Variants in EPX observed in about 807,000 individuals in gnomAD.
EPX encodes eosinophil peroxidase.
Under a neutral mutation model 73.0 loss-of-function variants are expected in EPX, and 60 were observed. The ratio of observed to expected loss-of-function variants is 0.82; its 90% CI spans 0.67 to 1.02. The LOEUF (loss-of-function observed/expected upper bound fraction) is 1.02. Among genes scored for constraint, EPX ranks in the 50% least tolerant of loss-of-function variants. EPX has a pLI of 0.00. For synonymous variants in EPX, 347 were observed against 389.2 expected (o/e 0.89, Z 1.28); for missense variants, 950 against 973.9 (o/e 0.98, Z 0.33).
In EPX at chr17:58,193,841, G is replaced by T. The variant is rs779372568; in HGVS notation, c.464+10G>T. The T allele has an allele frequency of 3.7e-6, 6 of 1,606,318 alleles. No homozygotes were observed. The South Asian group carries it at 6.6e-5, about 18-fold the overall frequency. ...GACGGTGCAACAACAAGTGCGTGCG[G>T]GGCGGCAGGAGGGGCTGCCCCTGCC... On this transcript the variant is annotated intron_variant, in intron 4 of 12. Coordinates refer to ENST00000225371, the MANE Select transcript of EPX (RefSeq NM_000502.6).
chr17:58,195,355 G>A (rs1968241643), intron 6 of EPX, among the ~76,000 whole-genome samples, 185 bp downstream of exon 6: 1 of 152,192 alleles, frequency 6.6e-6, no homozygotes, highest in Admixed American at 6.5e-5. Flanking sequence ...TTTGAGAGGT[G>A]GGGGTAGGGC....
rs1357850412 is a variant in EPX, at chr17:58,193,134, G to A, written c.170+3G>A. 1.3e-6 allele frequency: 2 copies of A among 1,599,748 alleles called. No individual in the cohort carries two copies. Among genetic ancestry groups the A allele is most frequent in the South Asian group, 2.2e-5 (2 of 90,830 alleles). On this transcript the variant is annotated splice_donor_region_variant and intron_variant, in intron 2 of 12. Coordinates refer to ENST00000225371, the MANE Select transcript of EPX (RefSeq NM_000502.6). ...GCCTACAATTGGACCCAGAAGAGGT[G>A]GACTTGGGTCTGGGGGCTGCATGGG...
intron 7 of EPX, 91 bp downstream of exon 7, chr17:58,197,348 A>G (rs1968273606): frequency 4.0e-6 from 6 of 1,488,754 alleles, no homozygotes; most frequent in Non-Finnish European, 5.5e-6. Context: ...GTGAAGGTAC[A>G]TGGTTTGGGA....
At position 58,195,134 on chromosome 17, in the gene EPX, G is replaced by C. The variant is rs773648393; in HGVS notation, c.765G>C (p.Arg255Ser). Residue 255 changes from arginine to serine, a missense_variant, in exon 6 of 13, where the codon AGG becomes AGC. Arg to Ser is a moderately radical substitution (Grantham distance 110). Coordinates refer to ENST00000225371, the MANE Select transcript of EPX (RefSeq NM_000502.6). ...VAFTAGVDCE[R>S]TCAQLPPCFP... ...TCACTGCAGGCGTTGACTGTGAGAG[G>C]ACCTGCGCCCAGCTGCCCCCCTGCT... is the stretch of plus-strand genomic sequence containing the variant. The C allele has an allele frequency of 6.2e-7, 1 of 1,613,964 alleles. No individual in the cohort carries two copies.
At chr17:58,204,474 G>A (rs1196034528) in intron 12 of EPX, 40 bp downstream of exon 12, 2 of 1,298,072 alleles carry the variant, frequency 1.5e-6, no homozygotes, top group Non-Finnish European at 1.1e-6. Context: ...GCTGGGTTAA[G>A]CCCTCACATC....
At chr17:58,197,992 C>T (rs544984427) in intron 7 of EPX, among the ~76,000 whole-genome samples, 4 of 152,202 alleles carry the variant, frequency 2.6e-5, no homozygotes, top group East Asian at 3.9e-4. Flanking sequence ...CCTGCCACCA[C>T]GTTTGGCTAA....
At chr17:58,193,009 G>T (rs775092676) in intron 1 of EPX, 29 bp from the exon 2 acceptor site, 40 of 1,595,200 alleles carry the variant, frequency 2.5e-5, no homozygotes, top group South Asian at 1.9e-4. Context: ...GTGGCTTGCT[G>T]AACCCTGAGT....
At chr17:58,199,496 G>A (rs373864396) in intron 8 of EPX, 43 bp from the exon 9 acceptor site, 2 of 1,611,526 alleles carry the variant, frequency 1.2e-6, no homozygotes, top group East Asian at 2.2e-5. Context: ...AAGGGTATGG[G>A]TGAGTAGCCT....
chr17:58,193,436 C>T lies in EPX; in HGVS notation c.236C>T (p.Pro79Leu), dbSNP rs372515743. The change falls in exon 3 of 13, where the codon CCG becomes CTG. Residue 79 changes from proline (P) to leucine (L), a missense_variant. Pro to Leu is a moderately conservative substitution (Grantham distance 98, BLOSUM62 -3). Coordinates refer to ENST00000225371, the MANE Select transcript of EPX (RefSeq NM_000502.6). ...PMDLLSYFKQPVAATRTVVRA... is the reference protein window; with the variant it reads ...PMDLLSYFKQLVAATRTVVRA... ...GACCTCCTGTCCTACTTCAAACAAC[C>T]GGTAGCAGCCACCAGGACAGTTGTT... is the stretch of plus-strand genomic sequence containing the variant. 34 of 1,614,034 alleles carry T rather than the reference C, an allele frequency of 2.1e-5. No homozygotes were observed. The highest frequency in any genetic ancestry group is 1.8e-4 in the East Asian group (8 of 44,880).
intron 6 of EPX, among the ~76,000 whole-genome samples, chr17:58,195,576 GTCCTAAC>G (rs1371939312): frequency 2.0e-5 from 3 of 152,172 alleles, no homozygotes; most frequent in African/African-American, 7.2e-5. Context: ...TGTAAGTAGG[GTCCTAAC>G]CTTCAGGCTA....
intron 4 of EPX, 34 bp downstream of exon 4, chr17:58,193,865 C>A: frequency 6.3e-7 from 1 of 1,599,434 alleles, no homozygotes; most frequent in Non-Finnish European, 8.6e-7. Flanking sequence ...GCTGCCCCTG[C>A]CTGGGGGACC....
chr17:58,201,563 G>A (rs1968341461), intron 10 of EPX, among the ~76,000 whole-genome samples: 1 of 152,202 alleles, frequency 6.6e-6, no homozygotes, highest in African/African-American at 2.4e-5. Context: ...ATGGGCAGGA[G>A]GGGTCTGGGT....
Position 58,204,276 on chromosome 17 carries a change from C to A in EPX, c.2001C>A (p.Ser667Arg). 1 of 1,614,058 alleles carries A rather than the reference C, an allele frequency of 6.2e-7. No individual in the cohort carries two copies. The change falls in exon 12 of 13, where the codon AGC becomes AGA. Residue 667 changes from serine (S) to arginine (R), a missense_variant. Coordinates refer to ENST00000225371, the MANE Select transcript of EPX (RefSeq NM_000502.6). Reference sequence around the variant, plus strand: ...CCAAAAGACAGCGCAAGGCCCTGAGCAGAATTTCCTTGTCTCGAATTATAT... The same window carrying A: ...CCAAAAGACAGCGCAAGGCCCTGAGAAGAATTTCCTTGTCTCGAATTATAT... ...VFTKRQRKAL[S>R]RISLSRIICD...
chr17:58,203,461 C>T, intron 11 of EPX, 143 bp downstream of exon 11: 1 of 732,570 alleles, frequency 1.4e-6, no homozygotes, highest in Admixed American at 2.0e-5. Flanking sequence ...GGAGGCTCCT[C>T]TCTGAAAAGC....
At chr17:58,194,886 CCCTGAGT>C (rs1968231262) in intron 5 of EPX, 71 bp from the exon 6 acceptor site, 1 of 1,059,656 alleles carries the variant, frequency 9.4e-7, no homozygotes, top group Admixed American at 1.9e-5. Context: ...AGCTGCTGCT[CCCTGAGT>C]CCTGGGTTGG....
At chr17:58,200,150 T>C (rs966677296) in intron 9 of EPX, 75 bp from the exon 10 acceptor site, 2 of 1,426,308 alleles carry the variant, frequency 1.4e-6, no homozygotes, top group Non-Finnish European at 2.0e-6. Context: ...CTGGGCTAGC[T>C]TGGCATCATG....
rs150719520 is a variant in EPX, at chr17:58,194,015, G to A, written c.517G>A (p.Ala173Thr). 190 of 1,612,930 alleles carry A rather than the reference G, an allele frequency of 1.2e-4. No individual in the cohort carries two copies. The highest frequency in any genetic ancestry group is 1.6e-4 in the Middle Eastern group (1 of 6,062). The change falls in exon 5 of 13, where the codon GCC becomes ACC. Residue 173 changes from alanine (A) to threonine (T), a missense_variant. Transcript: ENST00000225371. The stretch of plus-strand genomic sequence containing the variant: ...CCAGGCTCTGGCTCGCTGGCTGCCC[G>A]CCGAGTATGAGGATGGGCTGTCGCT... ...SNQALARWLP[A>T]EYEDGLSLPF...
chr17:58,200,239 A>G lies in EPX; in HGVS notation c.1552A>G (p.Ile518Val), dbSNP rs375859733. The change falls in exon 10 of 13, where the codon ATC becomes GTC. Residue 518 changes from isoleucine to valine, a missense_variant. Physicochemically the swap from Ile to Val is conservative, Grantham distance 29. Coordinates refer to ENST00000225371, the MANE Select transcript of EPX (RefSeq NM_000502.6). Reference sequence around the variant, plus strand: ...CCTGCCACCAGGGGGCATCGACCCCATCCTCCGGGGCCTCATGGCCACCCC... The same window carrying G: ...CCTGCCACCAGGGGGCATCGACCCCGTCCTCCGGGGCCTCATGGCCACCCC... ...RIVYEGGIDP[I>V]LRGLMATPAK... 497 of 1,614,018 alleles carry G rather than the reference A, an allele frequency of 3.1e-4. No individual in the cohort carries two copies. The highest frequency in any genetic ancestry group is 4.1e-4 in the Non-Finnish European group (483 of 1,180,036).
intron 11 of EPX, 30 bp downstream of exon 11, chr17:58,203,348 C>T (rs756618034): frequency 8.4e-6 from 12 of 1,422,152 alleles, no homozygotes; most frequent in Non-Finnish European, 1.0e-6. Flanking sequence ...AAGACATCAG[C>T]ACCAGAGGCA....
Sources: allele counts gnomAD v4.1 joint callset (sites outside exome capture counted in the v4.1 genomes callset), GRCh38; gene constraint gnomAD v4.1.1; transcripts MANE v1.5; gene names NCBI Gene and HGNC (gene_info 2026-07-23, HGNC 2026-07-21).